AMPH: variants seen among roughly 807,000 people sequenced by gnomAD.
AMPH encodes amphiphysin.
AMPH carries 49 observed loss-of-function variants against 99.1 expected under a neutral mutation model. The observed-to-expected ratio is 0.49, with a 90% CI of 0.39 to 0.63. The LOEUF (loss-of-function observed/expected upper bound fraction) is 0.63, where lower values mean the gene tolerates loss of function less well. AMPH is among the 20% of genes least tolerant of loss of function. The pLI, the probability that AMPH is intolerant of heterozygous loss-of-function variation, is 0.00. For missense variants in AMPH, 759 were observed against 863.4 expected, an observed-to-expected ratio of 0.88 and a Z score of 1.52; for synonymous variants, 314 against 317.3, an observed-to-expected ratio of 0.99 and a Z score of 0.11.
At chr7:38,589,861 G>A (rs1792792443) in intron 1 of AMPH, among the ~76,000 whole-genome samples, 1 of 152,164 alleles carries the variant, frequency 6.6e-6, no homozygotes, top group South Asian at 2.1e-4. Context: ...CCTCCTCATA[G>A]GCAAGATTTT....
At chr7:38,414,506 G>A (rs1463751825) in intron 17 of AMPH, among the ~76,000 whole-genome samples, 1 of 152,086 alleles carries the variant, frequency 6.6e-6, no homozygotes, top group Non-Finnish European at 1.5e-5. Context: ...GAGAAAATTA[G>A]AAGGGGCCTC....
chr7:38,418,767 G>A (rs1785483295), intron 16 of AMPH, among the ~76,000 whole-genome samples: 2 of 152,110 alleles, frequency 1.3e-5, no homozygotes, highest in South Asian at 4.2e-4. Flanking sequence ...CCTGAATTGT[G>A]TAGGCAGGGT....
chr7:38,396,066 G>A (rs562545916), intron 17 of AMPH, among the ~76,000 whole-genome samples: 1 of 152,158 alleles, frequency 6.6e-6, no homozygotes, highest in Admixed American at 6.5e-5. Context: ...TCTCTTATGA[G>A]AATCTCCTAT....
At chr7:38,500,483 T>G (rs1789094826) in intron 3 of AMPH, among the ~76,000 whole-genome samples, 1 of 152,172 alleles carries the variant, frequency 6.6e-6, no homozygotes, top group Non-Finnish European at 1.5e-5. Context: ...CCAGCTTTTC[T>G]CTGGAGCTCA....
intron 1 of AMPH, among the ~76,000 whole-genome samples, chr7:38,564,395 G>T (rs1294918591): frequency 6.6e-6 from 1 of 152,196 alleles, no homozygotes; most frequent in African/African-American, 2.4e-5. Flanking sequence ...GCAGAGAAAA[G>T]TCCTCAAGTG....
chr7:38,620,364 CTG>C (rs377389687), intron 1 of AMPH, among the ~76,000 whole-genome samples: 1,339 of 114,082 alleles, frequency 0.012, 29 homozygotes, highest in African/African-American at 0.038. Context: ...GTGTGTGTGT[CTG>C]TGTGTGTGTG....
intron 1 of AMPH, among the ~76,000 whole-genome samples, chr7:38,543,168 G>A (rs1314137443): frequency 1.3e-5 from 2 of 151,914 alleles, no homozygotes; most frequent in Non-Finnish European, 1.5e-5. Context: ...GAGGCAGGAG[G>A]ATTGCTTGAG....
intron 16 of AMPH, among the ~76,000 whole-genome samples, chr7:38,419,144 G>A (rs1395356931): frequency 6.6e-6 from 1 of 152,014 alleles, no homozygotes; most frequent in Non-Finnish European, 1.5e-5. Context: ...GCTGTGATTG[G>A]AGAAATCAGT....
rs1787116918 is a variant in AMPH, at chr7:38,453,578, C to T, written c.1017+7705G>A. Among the ~76,000 whole-genome samples the T allele has an allele frequency of 2.6e-5, 4 of 152,168 alleles. No individual in the cohort carries two copies. The South Asian group carries it at 8.3e-4, about 32-fold the overall frequency. ...CAAAAGTGCTTTGATCCTTTTTCCC[C>T]CCACCATCAAGTGTCCTTACCTATG... On this transcript the variant is annotated intron_variant, in intron 11 of 20. Transcript: ENST00000356264.
At chr7:38,473,793 TAA>T (rs899633843) in intron 7 of AMPH, among the ~76,000 whole-genome samples, 1 of 148,258 alleles carries the variant, frequency 6.7e-6, no homozygotes, top group African/African-American at 2.5e-5. Flanking sequence ...CTGTATTTTT[TAA>T]AAAAAAGCCA....
At chr7:38,533,296 T>C (rs1790481722) in intron 2 of AMPH, among the ~76,000 whole-genome samples, 1 of 152,222 alleles carries the variant, frequency 6.6e-6, no homozygotes, top group East Asian at 1.9e-4. Flanking sequence ...TCTGTAATAT[T>C]TGTTCATTTG....
intron 1 of AMPH, among the ~76,000 whole-genome samples, chr7:38,569,590 A>G (rs1056463555): frequency 6.6e-6 from 1 of 152,052 alleles, no homozygotes; most frequent in Non-Finnish European, 1.5e-5. Flanking sequence ...CCATTTTATA[A>G]TAAATTGATA....
chr7:38,475,500 G>T, intron 6 of AMPH, 84 bp from the exon 7 acceptor site: 3 of 851,212 alleles, frequency 3.5e-6, no homozygotes, highest in South Asian at 1.6e-5. Context: ...AATAAGAATA[G>T]TCTTATGGCA....
chr7:38,612,084 CTTCTTTTTT>C (rs1349832189), intron 1 of AMPH, among the ~76,000 whole-genome samples: 1 of 90,860 alleles, frequency 1.1e-5, no homozygotes. Context: ...TTTTTGTCTT[CTTCTTTTTT>C]TTTTTTTTTT....
chr7:38,568,077 G>A (rs964689467), intron 1 of AMPH, among the ~76,000 whole-genome samples: 9 of 151,912 alleles, frequency 5.9e-5, no homozygotes, highest in African/African-American at 1.9e-4. Context: ...GTGTCTTCAC[G>A]CTCCCCAAGC....
At chr7:38,607,618 G>T (rs1793479229) in intron 1 of AMPH, among the ~76,000 whole-genome samples, 1 of 152,126 alleles carries the variant, frequency 6.6e-6, no homozygotes, top group Non-Finnish European at 1.5e-5. Context: ...AAACCAAGAG[G>T]CTCTGTTTCT....
intron 9 of AMPH, among the ~76,000 whole-genome samples, chr7:38,464,657 C>T (rs1562772817): frequency 6.6e-6 from 1 of 151,362 alleles, no homozygotes; most frequent in Non-Finnish European, 1.5e-5. Context: ...TCAATAGTAT[C>T]TTTTTTTTTC....
At chr7:38,510,695 G>A (rs1192316305) in intron 2 of AMPH, among the ~76,000 whole-genome samples, 1 of 152,082 alleles carries the variant, frequency 6.6e-6, no homozygotes, top group Non-Finnish European at 1.5e-5. Context: ...CGTATGATCC[G>A]CCTCAAGAGC....
At chr7:38,417,761 G>A in intron 17 of AMPH, 64 bp downstream of exon 17, 1 of 1,594,546 alleles carries the variant, frequency 6.3e-7, no homozygotes, top group Admixed American at 1.7e-5. Flanking sequence ...GATGCATATG[G>A]TCATGAGATG....
Sources: allele counts gnomAD v4.1 joint callset (sites outside exome capture counted in the v4.1 genomes callset), GRCh38; gene constraint gnomAD v4.1.1; transcripts MANE v1.5; gene names NCBI Gene and HGNC (gene_info 2026-07-23, HGNC 2026-07-21).